The following TRDN variants were observed in gnomAD, a reference collection of about 807,000 sequenced individuals.
TRDN encodes the protein triadin in skeletal muscle.
In TRDN, 161 loss-of-function variants were observed where a neutral mutation model predicts 149.7. The ratio of observed to expected loss-of-function variants is 1.08; its 90% CI spans 0.95 to 1.23. The LOEUF (loss-of-function observed/expected upper bound fraction) is 1.23. Among genes scored for constraint, TRDN ranks in the 50% most tolerant of loss-of-function variants. TRDN has a pLI of 0.00. For missense variants in TRDN, 896 were observed against 823.5 expected, an observed-to-expected ratio of 1.09 and a Z score of -1.08; for synonymous variants, 294 against 250.5, an observed-to-expected ratio of 1.17 and a Z score of -1.64.
chr6:123,303,186 A>G (rs984970819), intron 24 of TRDN, among the ~76,000 whole-genome samples: 1 of 152,158 alleles, frequency 6.6e-6, no homozygotes, highest in African/African-American at 2.4e-5. Context: ...TCCTTCCTCT[A>G]CATCTTTCTG....
intron 14 of TRDN, among the ~76,000 whole-genome samples, chr6:123,386,256 A>G (rs1418725480): frequency 2.6e-5 from 4 of 152,216 alleles, no homozygotes; most frequent in Non-Finnish European, 5.9e-5. Flanking sequence ...CATGCAGGAA[A>G]GTATTTTTAA....
At chr6:123,309,355 G>T in intron 24 of TRDN, among the ~76,000 whole-genome samples, 1 of 151,790 alleles carries the variant, frequency 6.6e-6, no homozygotes, top group African/African-American at 2.4e-5. Flanking sequence ...CCTGTCTCTA[G>T]GCTAGCTCCT....
chr6:123,583,884 T>C (rs745399978), intron 1 of TRDN: 16 of 241,218 alleles, frequency 6.6e-5, no homozygotes, highest in African/African-American at 1.2e-4. Context: ...CCCTGAGGAG[T>C]GGTAGAATAG....
intron 10 of TRDN, among the ~76,000 whole-genome samples, chr6:123,461,385 A>G (rs1255368183): frequency 6.6e-6 from 1 of 152,208 alleles, no homozygotes; most frequent in African/African-American, 2.4e-5. Context: ...GGTACTTGAT[A>G]GTAATTCACC....
chr6:123,596,622 G>T lies in TRDN; in HGVS notation c.23-25490C>A, dbSNP rs77803905. On this transcript the variant is annotated intron_variant, in intron 1 of 40. Transcript: ENST00000334268. ...AACTCTATCATTAGGAGCTAATGCA[G>T]CTGGTGACTTTAAGTTGAATCCAAT... Among the ~76,000 whole-genome samples the T allele has an allele frequency of 1.5e-3, 222 of 152,206 alleles. 3 individuals carry two copies. The highest frequency in any genetic ancestry group is 5.3e-3 in the African/African-American group (219 of 41,562).
intron 24 of TRDN, among the ~76,000 whole-genome samples, chr6:123,294,011 C>T (rs1190351173): frequency 6.6e-6 from 1 of 152,128 alleles, no homozygotes; most frequent in Non-Finnish European, 1.5e-5. Context: ...TTGACTCAAA[C>T]CCTAGAAACC....
chr6:123,248,625 T>C (rs1049245381), intron 38 of TRDN, among the ~76,000 whole-genome samples: 1 of 151,988 alleles, frequency 6.6e-6, no homozygotes, highest in African/African-American at 2.4e-5. Context: ...GAAAAAATAT[T>C]GGATACTGAT....
chr6:123,294,562 G>A (rs190865306), intron 24 of TRDN, among the ~76,000 whole-genome samples: 18 of 152,266 alleles, frequency 1.2e-4, no homozygotes, highest in African/African-American at 3.1e-4. Flanking sequence ...AGCATGCAAC[G>A]TAGATCCCTT....
At chr6:123,267,887 G>T in intron 31 of TRDN, 136 bp from the exon 32 acceptor site, 1 of 637,542 alleles carries the variant, frequency 1.6e-6, no homozygotes, top group Non-Finnish European at 2.6e-6. Context: ...TTGAAACAAA[G>T]AAAGCATATT....
Position 123,530,558 on chromosome 6 carries a change from G to A in TRDN, c.432C>T (p.His144=). 1.6e-6 allele frequency: 2 copies of A among 1,247,072 alleles called. No individual in the cohort carries two copies. Among genetic ancestry groups the A allele is most frequent in the Non-Finnish European group, 2.1e-6 (2 of 931,974 alleles). The allele number at this position is 1,247,072 out of a possible 1,614,324, so 77.3% of individuals were successfully genotyped here. A position where few individuals can be genotyped will look rare whatever the true frequency, so the allele number is the denominator to read the frequency against. ...DEPPLRKKEI[H]KDKTEKQEKP... is the part of the protein sequence containing the mutation. ...TCTCTTGTTTTTCAGTCTTATCTTT[G>A]TGTATTTCTAAGAAAAAATAGAATT... The change falls in exon 5 of 41, where the codon CAC becomes CAT. Residue 144 remains histidine (H), a synonymous_variant. Coordinates refer to ENST00000334268, the MANE Select transcript of TRDN (RefSeq NM_006073.4).
intron 1 of TRDN, among the ~76,000 whole-genome samples, chr6:123,591,933 A>G (rs1783804746): frequency 6.6e-6 from 1 of 152,214 alleles, no homozygotes; most frequent in African/African-American, 2.4e-5. Context: ...AGGCCGATAA[A>G]GCTGCACCCA....
At chr6:123,220,335 C>T (rs1056006419) in intron 40 of TRDN, among the ~76,000 whole-genome samples, 2 of 151,766 alleles carry the variant, frequency 1.3e-5, no homozygotes, top group South Asian at 2.1e-4. Context: ...TCACCTGTCT[C>T]ATTGAATTAT....
At chr6:123,260,713 A>G (rs926160671) in intron 33 of TRDN, 75 bp from the exon 34 acceptor site, 22 of 1,183,556 alleles carry the variant, frequency 1.9e-5, no homozygotes, top group Non-Finnish European at 2.4e-5. Context: ...TTTTTTATTC[A>G]GTAGCAAACA....
intron 38 of TRDN, among the ~76,000 whole-genome samples, chr6:123,240,721 G>T (rs1057481551): frequency 6.6e-6 from 1 of 151,806 alleles, no homozygotes; most frequent in African/African-American, 2.4e-5. Flanking sequence ...AACTACATCC[G>T]AATTAGACTA....
chr6:123,378,415 G>A (rs1043446803), intron 16 of TRDN, among the ~76,000 whole-genome samples: 55 of 151,736 alleles, frequency 3.6e-4, no homozygotes, highest in African/African-American at 1.3e-3. Context: ...AGGTAGCTGG[G>A]ATTACAGGCA....
At chr6:123,379,173 T>A (rs936729392) in intron 16 of TRDN, among the ~76,000 whole-genome samples, 1 of 152,194 alleles carries the variant, frequency 6.6e-6, no homozygotes, top group African/African-American at 2.4e-5. Flanking sequence ...GAAAGAACTC[T>A]ACAAACTATA....
intron 23 of TRDN, among the ~76,000 whole-genome samples, chr6:123,326,483 T>C (rs566034605): frequency 6.6e-6 from 1 of 151,908 alleles, no homozygotes; most frequent in South Asian, 2.1e-4. Context: ...TTCTACTTTT[T>C]AAAATATTAT....
intron 38 of TRDN, among the ~76,000 whole-genome samples, chr6:123,239,080 C>T (rs1446077417): frequency 6.6e-6 from 1 of 152,150 alleles, no homozygotes; most frequent in African/African-American, 2.4e-5. Flanking sequence ...ACCTCATGAT[C>T]TGCCCACCTC....
chr6:123,574,883 T>C (rs1473616294), intron 1 of TRDN, among the ~76,000 whole-genome samples: 2 of 107,104 alleles, frequency 1.9e-5, no homozygotes, highest in Non-Finnish European at 3.8e-5. Flanking sequence ...TATATATATA[T>C]ATATATATAT....
Sources: allele counts gnomAD v4.1 joint callset (sites outside exome capture counted in the v4.1 genomes callset), GRCh38; gene constraint gnomAD v4.1.1; transcripts MANE v1.5; gene names NCBI Gene and HGNC (gene_info 2026-07-23, HGNC 2026-07-21).